The following PDE4D variants were observed in gnomAD, a reference collection of about 807,000 sequenced individuals.
The protein encoded by PDE4D is 3',5'-cyclic-AMP phosphodiesterase 4D.
Under a neutral mutation model 87.4 loss-of-function variants are expected in PDE4D, and 24 were observed. That is an observed-to-expected ratio of 0.27 (90% confidence interval 0.20 to 0.39). The LOEUF is 0.39. Ranked by LOEUF, PDE4D falls within the 10% of genes least tolerant of loss-of-function variation. The probability of loss-of-function intolerance (pLI) is 1.00; values close to 1 mark genes in which losing one functional copy is unlikely to be tolerated. For synonymous variants in PDE4D, 384 were observed against 383.2 expected (o/e 1.00, Z -0.02); for missense variants, 714 against 1,041.0 (o/e 0.69, Z 4.32).
At chr5:59,773,503 C>A (rs1763780821) in intron 1 of PDE4D, among the ~76,000 whole-genome samples, 2 of 152,088 alleles carry the variant, frequency 1.3e-5, no homozygotes. Flanking sequence ...TGTAAACCTG[C>A]CAAGTCATGA....
chr5:59,261,563 A>G lies in PDE4D; in HGVS notation c.456-45595T>C, dbSNP rs188963646. The stretch of plus-strand genomic sequence containing the variant: ...TTATCTGTAAAGACAGATTTTGGCA[A>G]TAAGTGAAATAATGCCTTATATTCA... On this transcript the variant is annotated intron_variant, in intron 1 of 14. Coordinates refer to ENST00000340635, the MANE Select transcript of PDE4D (RefSeq NM_001104631.2). 4.4e-3 allele frequency among the ~76,000 whole-genome samples: 673 copies of G among 151,984 alleles called. 6 individuals are homozygous for G. Among genetic ancestry groups the G allele is most frequent in the African/African-American group, 0.014 (585 of 41,536 alleles).
chr5:60,114,592 C>T (rs1777967882), intron 2 of PDE4D, among the ~76,000 whole-genome samples: 1 of 151,986 alleles, frequency 6.6e-6, no homozygotes, highest in African/African-American at 2.4e-5. Context: ...CAATGGTGGA[C>T]AGGATATACT....
intron 1 of PDE4D, among the ~76,000 whole-genome samples, chr5:60,383,929 C>G (rs1762033264): frequency 6.6e-6 from 1 of 152,082 alleles, no homozygotes; most frequent in South Asian, 2.1e-4. Flanking sequence ...CAGTACCTAC[C>G]CAGGGATCTT....
intron 1 of PDE4D, among the ~76,000 whole-genome samples, chr5:59,574,086 A>T (rs1194165105): frequency 9.9e-4 from 2 of 2,030 alleles, no homozygotes; most frequent in African/African-American, 2.3e-3. Context: ...ATATATATTT[A>T]TATATATAAA....
At chr5:60,403,364 T>C (rs1422833216) in intron 1 of PDE4D, among the ~76,000 whole-genome samples, 1 of 152,198 alleles carries the variant, frequency 6.6e-6, no homozygotes, top group East Asian at 1.9e-4. Flanking sequence ...ATCATTGTAC[T>C]TAGGCAACCA....
chr5:60,209,676 A>G (rs1742963532), intron 1 of PDE4D, among the ~76,000 whole-genome samples: 1 of 151,800 alleles, frequency 6.6e-6, no homozygotes, highest in Admixed American at 6.6e-5. Context: ...ACGCTGGCAG[A>G]GAGATGAGAA....
At chr5:59,616,118 C>T (rs532650455) in intron 1 of PDE4D, among the ~76,000 whole-genome samples, 5 of 152,046 alleles carry the variant, frequency 3.3e-5, no homozygotes, top group Non-Finnish European at 7.4e-5. Context: ...ATCCCTCCCC[C>T]CTTCCCCCAC....
chr5:60,500,499 T>C (rs1195445760), intron 1 of PDE4D, among the ~76,000 whole-genome samples: 2 of 152,208 alleles, frequency 1.3e-5, no homozygotes, highest in African/African-American at 4.8e-5. Context: ...ATAAGGAACT[T>C]GGTAAATAGA....
intron 3 of PDE4D, among the ~76,000 whole-genome samples, chr5:59,953,485 CACTT>C (rs1456327736): frequency 6.6e-6 from 1 of 152,012 alleles, no homozygotes; most frequent in Non-Finnish European, 1.5e-5. Flanking sequence ...CATTAACACT[CACTT>C]GATAAAATTG....
chr5:59,154,046 G>A (rs1779822984), intron 5 of PDE4D, among the ~76,000 whole-genome samples: 1 of 152,162 alleles, frequency 6.6e-6, no homozygotes, highest in Non-Finnish European at 1.5e-5. Context: ...TCAGCCAGGG[G>A]CTGGGCTGGA....
chr5:59,148,754 GGTGTGTGTGT>G (rs3061422), intron 5 of PDE4D, among the ~76,000 whole-genome samples: 28 of 145,482 alleles, frequency 1.9e-4, no homozygotes, highest in Non-Finnish European at 2.7e-4. Context: ...AATATATAGC[GGTGTGTGTGT>G]GTGTGTGTGT....
rs187192584 is a variant in PDE4D, at chr5:59,242,336, G to A, written c.456-26368C>T. Among the ~76,000 whole-genome samples, 58 of 152,282 alleles carry A rather than the reference G, an allele frequency of 3.8e-4. No homozygotes were observed. The South Asian group carries it at 5.6e-3, about 15-fold the overall frequency. ...TCACACTTCTTAATGGGTTCTCTAA[G>A]CAGGTGACCAGGAGAATCACTATTC... is the stretch of plus-strand genomic sequence containing the variant. On this transcript the variant is annotated intron_variant, in intron 1 of 14. Coordinates refer to ENST00000340635, the MANE Select transcript of PDE4D (RefSeq NM_001104631.2).
At chr5:59,824,134 G>A (rs756168397) in intron 1 of PDE4D, among the ~76,000 whole-genome samples, 1 of 151,838 alleles carries the variant, frequency 6.6e-6, no homozygotes, top group African/African-American at 2.4e-5. Context: ...GTAGCCACAA[G>A]TAAAAGAAAC....
At chr5:59,123,639 C>T (rs926884388) in intron 5 of PDE4D, among the ~76,000 whole-genome samples, 1 of 152,140 alleles carries the variant, frequency 6.6e-6, no homozygotes, top group African/African-American at 2.4e-5. Context: ...AATGTTTTAT[C>T]CTCATTTCTA....
intron 5 of PDE4D, among the ~76,000 whole-genome samples, chr5:59,170,355 A>G (rs1368821405): frequency 6.6e-6 from 1 of 152,164 alleles, no homozygotes; most frequent in East Asian, 1.9e-4. Context: ...GGATAATACA[A>G]CATTTTTGTC....
At chr5:59,345,796 T>C (rs1397673754) in intron 1 of PDE4D, among the ~76,000 whole-genome samples, 1 of 152,162 alleles carries the variant, frequency 6.6e-6, no homozygotes, top group African/African-American at 2.4e-5. Flanking sequence ...CATTTGGCAA[T>C]ATCTAAAGAC....
intron 1 of PDE4D, among the ~76,000 whole-genome samples, chr5:59,608,048 C>T (rs1365633321): frequency 6.6e-6 from 1 of 152,240 alleles, no homozygotes; most frequent in African/African-American, 2.4e-5. Context: ...ACGATGAGTG[C>T]ATAAAAATTC....
At chr5:59,234,594 G>A (rs964620210) in intron 1 of PDE4D, among the ~76,000 whole-genome samples, 1 of 152,122 alleles carries the variant, frequency 6.6e-6, no homozygotes, top group African/African-American at 2.4e-5. Context: ...GTGGAAATAT[G>A]TAAATAGAAC....
intron 1 of PDE4D, among the ~76,000 whole-genome samples, chr5:59,762,241 T>TGTATATGGGTACACATATGC (rs1561614708): frequency 8.6e-5 from 9 of 104,166 alleles, no homozygotes; most frequent in African/African-American, 2.9e-4. Flanking sequence ...TGCGTATATG[T>TGTATATGGGTACACATATGC]GTATATGGGT....
Sources: allele counts gnomAD v4.1 joint callset (sites outside exome capture counted in the v4.1 genomes callset), GRCh38; gene constraint gnomAD v4.1.1; transcripts MANE v1.5; gene names NCBI Gene and HGNC (gene_info 2026-07-23, HGNC 2026-07-21).